The following ZFR variants were observed in gnomAD, a reference collection of about 807,000 sequenced individuals.
ZFR encodes zinc finger RNA binding protein, also known as zinc finger RNA-binding protein.
Under a neutral mutation model 130.7 loss-of-function variants are expected in ZFR, and 19 were observed. The observed-to-expected ratio is 0.15, with a 90% CI of 0.10 to 0.21. The LOEUF is 0.21. Ranked by LOEUF, ZFR falls within the 10% of genes least tolerant of loss-of-function variation. ZFR has a pLI of 1.00. For missense variants in ZFR, 872 were observed against 1,321.5 expected (o/e 0.66, Z 5.27); for synonymous variants, 466 against 456.9 (o/e 1.02, Z -0.25).
chr5:32,425,653 G>A (rs980437484), intron 2 of ZFR, among the ~76,000 whole-genome samples: 2 of 152,128 alleles, frequency 1.3e-5, no homozygotes, highest in East Asian at 3.9e-4. Context: ...TCAGCCACCC[G>A]AGTAGCTGGG....
intron 5 of ZFR, among the ~76,000 whole-genome samples, chr5:32,409,917 C>A (rs1024202213): frequency 3.5e-4 from 53 of 151,944 alleles, no homozygotes; most frequent in African/African-American, 1.2e-3. Flanking sequence ...CTGCAGTAAA[C>A]CATGATGATA....
chr5:32,418,625 T>G (rs969000183), intron 3 of ZFR, among the ~76,000 whole-genome samples: 1 of 152,196 alleles, frequency 6.6e-6, no homozygotes, highest in Non-Finnish European at 1.5e-5. Flanking sequence ...AACAACAAAA[T>G]TTATTATATT....
chr5:32,415,552 G>A (rs1241078426), intron 4 of ZFR, among the ~76,000 whole-genome samples: 2 of 150,916 alleles, frequency 1.3e-5, no homozygotes, highest in Non-Finnish European at 2.9e-5. Context: ...GTCTACTTCA[G>A]TTAGGCTTAA....
chr5:32,388,668 G>GT lies in ZFR; in HGVS notation c.2148dup (p.Arg717ThrfsTer4), dbSNP rs762708309. ...CGGTCATCAGATGAGTCAGGACGAC[G>GT]TAAGGGCTACAGAGAAACAAAGTTG... On this transcript the variant is annotated frameshift_variant, in exon 13 of 20. Coordinates refer to ENST00000265069, the MANE Select transcript of ZFR (RefSeq NM_016107.5). LOFTEE classifies it high-confidence loss of function. The GT allele has an allele frequency of 6.2e-7, 1 of 1,612,156 alleles. No homozygotes were observed.
Position 32,386,992 on chromosome 5 carries a change from A to G in ZFR, c.2499+557T>C, listed in dbSNP as rs1420787443. Among the ~76,000 whole-genome samples, 4 of 152,144 alleles carry G rather than the reference A, an allele frequency of 2.6e-5. No individual in the cohort carries two copies. In the East Asian group the frequency reaches 7.7e-4, roughly 29 times the overall value. ...AAAAAAGTTTGTTTTTGTAGGACCC[A>G]AATAAAATACTCTATTAGTTTTGCA... On this transcript the variant is annotated intron_variant, in intron 14 of 19. Coordinates refer to ENST00000265069, the MANE Select transcript of ZFR (RefSeq NM_016107.5).
At position 32,400,209 on chromosome 5, in the gene ZFR, A is replaced by G; in HGVS notation, c.1517-6T>C. 5 of 1,555,070 alleles carry G rather than the reference A, an allele frequency of 3.2e-6. No homozygotes were observed. The highest frequency in any genetic ancestry group is 2.3e-5 in the East Asian group (1 of 43,974). On this transcript the variant is annotated splice_region_variant and splice_polypyrimidine_tract_variant and intron_variant, in intron 8 of 19. Transcript: ENST00000265069. ...TGACTGCAGCTTATTACCACCTAGAAAAGTATCAAAAAGTTAAAAAAAATT... is the reference window on the plus strand; with the variant it reads ...TGACTGCAGCTTATTACCACCTAGAGAAGTATCAAAAAGTTAAAAAAAATT...
chr5:32,412,282 C>T (rs1204350062), intron 5 of ZFR, among the ~76,000 whole-genome samples: 1 of 152,144 alleles, frequency 6.6e-6, no homozygotes, highest in Non-Finnish European at 1.5e-5. Context: ...GAAGGCTGGT[C>T]AAGTAATTTT....
At chr5:32,440,602 G>A (rs982509125) in intron 2 of ZFR, among the ~76,000 whole-genome samples, 64 of 151,646 alleles carry the variant, frequency 4.2e-4, no homozygotes, top group Admixed American at 2.6e-4. Context: ...AGCCAAGATC[G>A]TGCCATTGCA....
At chr5:32,431,909 C>T (rs1754233666) in intron 2 of ZFR, among the ~76,000 whole-genome samples, 1 of 151,976 alleles carries the variant, frequency 6.6e-6, no homozygotes, top group Admixed American at 6.6e-5. Flanking sequence ...TCATGGCTCA[C>T]TGCAGACTAG....
chr5:32,441,794 T>C (rs1219756426), intron 2 of ZFR, among the ~76,000 whole-genome samples: 2 of 152,206 alleles, frequency 1.3e-5, no homozygotes, highest in Non-Finnish European at 2.9e-5. Context: ...CAAACACTTT[T>C]CATGTACTAT....
intron 5 of ZFR, among the ~76,000 whole-genome samples, chr5:32,407,660 T>G (rs80319717): frequency 6.6e-6 from 1 of 152,062 alleles, no homozygotes; most frequent in African/African-American, 2.4e-5. Flanking sequence ...GATGAAAATA[T>G]AGAACAACTG....
chr5:32,427,374 C>CAAAAAAAAAAAAAAAAAA (rs540663022), intron 2 of ZFR, among the ~76,000 whole-genome samples: 5 of 66,494 alleles, frequency 7.5e-5, no homozygotes, highest in African/African-American at 3.3e-4. Flanking sequence ...GACTCTGTCT[C>CAAAAAAAAAAAAAAAAAA]AAAAAAAAAA....
chr5:32,385,633 T>A lies in ZFR; in HGVS notation c.2516A>T (p.Lys839Met). 1 of 1,613,198 alleles carries A rather than the reference T, an allele frequency of 6.2e-7. No individual in the cohort carries two copies. The highest frequency in any genetic ancestry group is 1.1e-5 in the South Asian group (1 of 91,042). ...PKQLAVISPE[K>M]YDIKCAVSEA... Reference sequence around the variant, plus strand: ...AGATACAGCACATTTTATGTCATACTTCTCAGGGCTTATAACCTGTGTAAT... The same window carrying A: ...AGATACAGCACATTTTATGTCATACATCTCAGGGCTTATAACCTGTGTAAT... The change falls in exon 15 of 20, where the codon AAG becomes ATG. Residue 839 changes from lysine to methionine, a missense_variant. Physicochemically the swap from Lys to Met is moderately conservative, Grantham distance 95. Around this residue, in one of 7 missense-constraint regions of ZFR, gnomAD observed 225 missense variants for 282.4 expected, o/e 0.80. Transcript: ENST00000265069.
At chr5:32,376,283 TTTG>T (rs1199461104) in intron 17 of ZFR, among the ~76,000 whole-genome samples, 1 of 152,166 alleles carries the variant, frequency 6.6e-6, no homozygotes, top group African/African-American at 2.4e-5. Context: ...TACCAAAAAT[TTTG>T]TTATGTATTT....
At chr5:32,419,106 A>G (rs541219502) in intron 3 of ZFR, among the ~76,000 whole-genome samples, 1 of 152,334 alleles carries the variant, frequency 6.6e-6, no homozygotes, top group East Asian at 1.9e-4. Context: ...CTCTCAAAAT[A>G]TTCTCAAAAT....
At position 32,444,243 on chromosome 5, in the gene ZFR, A is replaced by AGCCGCC. The variant is rs772338532; in HGVS notation, c.117_122dup (p.Ala42_Ala43dup). ...GATGCCGTTACCTATATTGGGCCGC[A>AGCCGCC]GCCGCCGCCGCCGCCGCCCCGCTGT... On this transcript the variant is annotated inframe_insertion, in exon 2 of 20. Coordinates refer to ENST00000265069, the MANE Select transcript of ZFR (RefSeq NM_016107.5). The AGCCGCC allele has an allele frequency of 4.2e-5, 67 of 1,582,854 alleles. No individual in the cohort carries two copies. Among genetic ancestry groups the AGCCGCC allele is most frequent in the Non-Finnish European group, 4.7e-5 (55 of 1,166,284 alleles).
In ZFR at chr5:32,387,589, A is replaced by G; in HGVS notation, c.2459T>C (p.Leu820Ser). Residue 820 changes from leucine to serine, a missense_variant, in exon 14 of 20, where the codon TTA becomes TCA. By Grantham distance (145) the Leu-to-Ser change is moderately radical (BLOSUM62 -2). Around this residue, in one of 7 missense-constraint regions of ZFR, gnomAD observed 225 missense variants for 282.4 expected, o/e 0.80. Coordinates refer to ENST00000265069, the MANE Select transcript of ZFR (RefSeq NM_016107.5). ...LLCSEKPSKT[L>S]LSRIAENLPK... ...TAGGTTTTCTGCAATACGGCTTAAT[A>G]ATGTCTTTGAAGGTTTCTCTGAGCA... is the stretch of plus-strand genomic sequence containing the variant. The G allele has an allele frequency of 6.2e-7, 1 of 1,613,466 alleles. No homozygotes were observed. Among genetic ancestry groups the G allele is most frequent in the East Asian group, 2.2e-5 (1 of 44,842 alleles).
At chr5:32,367,645 C>G (rs1182911945) in intron 17 of ZFR, among the ~76,000 whole-genome samples, 1 of 151,954 alleles carries the variant, frequency 6.6e-6, no homozygotes, top group Non-Finnish European at 1.5e-5. Flanking sequence ...AACTCCTGGG[C>G]TCAAGTGATC....
At chr5:32,399,042 G>A (rs1214158099) in intron 9 of ZFR, among the ~76,000 whole-genome samples, 3 of 152,046 alleles carry the variant, frequency 2.0e-5, no homozygotes, top group Non-Finnish European at 4.4e-5. Context: ...TTGGAAGGCC[G>A]AGGCAGGCAG....
Sources: gnomAD v4.1 joint callset for allele counts (sites outside exome capture counted in the v4.1 genomes callset) on GRCh38, gnomAD v4.1.1 for gene constraint, gnomAD v4.1.1 regional missense constraint, MANE v1.5 for transcripts, NCBI Gene and HGNC (gene_info 2026-07-23, HGNC 2026-07-21) for gene names.